PTPRD: variants seen among roughly 807,000 people sequenced by gnomAD.
The protein encoded by PTPRD is receptor-type tyrosine-protein phosphatase delta.
PTPRD carries 34 observed loss-of-function variants against 214.5 expected under a neutral mutation model. The ratio of observed to expected loss-of-function variants is 0.16; its 90% CI spans 0.12 to 0.21. The LOEUF is 0.21. PTPRD is among the 10% of genes least tolerant of loss of function. The pLI, the probability that PTPRD is intolerant of heterozygous loss-of-function variation, is 1.00. For missense variants in PTPRD, 2,545 were observed against 2,398.7 expected (o/e 1.06, Z -1.27); for synonymous variants, 1,128 against 845.7 (o/e 1.33, Z -5.79).
At chr9:9,061,327 G>A (rs991519599) in intron 10 of PTPRD, among the ~76,000 whole-genome samples, 4 of 152,272 alleles carry the variant, frequency 2.6e-5, no homozygotes, top group African/African-American at 4.8e-5. Context: ...CATTTGTAAC[G>A]CAATTTCCCA....
At chr9:9,378,064 A>G (rs1038314201) in intron 9 of PTPRD, among the ~76,000 whole-genome samples, 1 of 151,824 alleles carries the variant, frequency 6.6e-6, no homozygotes, top group African/African-American at 2.4e-5. Flanking sequence ...CCGATAATGA[A>G]CCTCCATTAA....
chr9:10,335,564 G>T (rs768006277), intron 3 of PTPRD, among the ~76,000 whole-genome samples: 1 of 151,336 alleles, frequency 6.6e-6, no homozygotes, highest in Non-Finnish European at 1.5e-5. Context: ...AACAACAAAG[G>T]CATGATCCAT....
intron 2 of PTPRD, among the ~76,000 whole-genome samples, chr9:10,476,038 G>C (rs1458103503): frequency 2.6e-5 from 4 of 151,964 alleles, no homozygotes; most frequent in Non-Finnish European, 4.4e-5. Context: ...ACTGAATGGG[G>C]AAAAGCTGGA....
At chr9:9,570,459 A>C (rs1056266722) in intron 8 of PTPRD, among the ~76,000 whole-genome samples, 2 of 151,672 alleles carry the variant, frequency 1.3e-5, no homozygotes, top group Non-Finnish European at 3.0e-5. Context: ...GTGTTTCTTA[A>C]CTGGATTTTT....
chr9:8,989,104 T>C (rs1267688937), intron 11 of PTPRD, among the ~76,000 whole-genome samples: 1 of 152,076 alleles, frequency 6.6e-6, no homozygotes, highest in Non-Finnish European at 1.5e-5. Flanking sequence ...ATGATAGTTG[T>C]ATATATTTTT....
chr9:10,046,526 A>C (rs2097400099), intron 3 of PTPRD, among the ~76,000 whole-genome samples: 1 of 151,914 alleles, frequency 6.6e-6, no homozygotes, highest in South Asian at 2.1e-4. Context: ...TGTCACTCTG[A>C]AAAACAGAAT....
intron 4 of PTPRD, among the ~76,000 whole-genome samples, chr9:10,025,668 T>C (rs900116552): frequency 6.6e-6 from 1 of 152,182 alleles, no homozygotes; most frequent in Non-Finnish European, 1.5e-5. Context: ...AAAAATTAGA[T>C]AACCTTTAAA....
At chr9:9,951,380 C>T (rs189198485) in intron 4 of PTPRD, among the ~76,000 whole-genome samples, 13 of 152,304 alleles carry the variant, frequency 8.5e-5, no homozygotes, top group African/African-American at 3.1e-4. Context: ...AGTGGTAGGC[C>T]TGTAAACACC....
intron 7 of PTPRD, among the ~76,000 whole-genome samples, chr9:9,610,243 C>G (rs983424425): frequency 6.6e-6 from 1 of 152,110 alleles, no homozygotes; most frequent in Non-Finnish European, 1.5e-5. Context: ...CCTTGAACAA[C>G]TACAACATTA....
intron 3 of PTPRD, among the ~76,000 whole-genome samples, chr9:10,125,406 T>C (rs192804861): frequency 3.6e-4 from 53 of 147,028 alleles, no homozygotes; most frequent in African/African-American, 1.2e-3. Flanking sequence ...TTTTTATTTT[T>C]ATTTATTTTG....
intron 2 of PTPRD, among the ~76,000 whole-genome samples, chr9:10,547,152 G>C (rs2130908352): frequency 6.6e-6 from 1 of 152,164 alleles, no homozygotes; most frequent in African/African-American, 2.4e-5. Context: ...CAGAAGAATT[G>C]GGGCAGGGTG....
intron 21 of PTPRD, among the ~76,000 whole-genome samples, chr9:8,516,523 T>C (rs1362740967): frequency 6.6e-6 from 1 of 152,112 alleles, no homozygotes; most frequent in African/African-American, 2.4e-5. Context: ...ATAAAGACCA[T>C]GCCATGAAAA....
intron 7 of PTPRD, among the ~76,000 whole-genome samples, chr9:9,578,041 G>A (rs1380895797): frequency 2.0e-5 from 1 of 50,384 alleles, no homozygotes; most frequent in Non-Finnish European, 3.3e-5. Flanking sequence ...GTAAGACTCT[G>A]TCTCAAAAAA....
At chr9:9,937,753 A>C (rs2382082) in intron 5 of PTPRD, among the ~76,000 whole-genome samples, 1 of 151,960 alleles carries the variant, frequency 6.6e-6, no homozygotes, top group Non-Finnish European at 1.5e-5. Context: ...TGAATTACCC[A>C]TAAGTTATGT....
intron 3 of PTPRD, among the ~76,000 whole-genome samples, chr9:10,103,175 C>A (rs2098579729): frequency 6.6e-6 from 1 of 151,312 alleles, no homozygotes; most frequent in Non-Finnish European, 1.5e-5. Context: ...GGTTTTCAAA[C>A]AATTTTTACT....
chr9:9,058,722 T>C (rs1282336808), intron 10 of PTPRD, among the ~76,000 whole-genome samples: 1 of 151,874 alleles, frequency 6.6e-6, no homozygotes, highest in Non-Finnish European at 1.5e-5. Context: ...GTGCTGGGAC[T>C]ACAGGCGTGA....
At chr9:8,721,943 A>G (rs1877447) in intron 12 of PTPRD, among the ~76,000 whole-genome samples, 73,118 of 152,150 alleles carry the variant, frequency 0.48, 17,737 homozygotes, top group Middle Eastern at 0.53. Flanking sequence ...AAGCAACATC[A>G]GTGGTTCTCA....
At chr9:9,725,253 TG>T (rs1162384520) in intron 7 of PTPRD, among the ~76,000 whole-genome samples, 4 of 151,878 alleles carry the variant, frequency 2.6e-5, no homozygotes. Context: ...GCTGTTCCCA[TG>T]ATAGTGAATA....
intron 10 of PTPRD, among the ~76,000 whole-genome samples, chr9:9,085,672 C>T (rs1008069861): frequency 6.6e-6 from 1 of 151,442 alleles, no homozygotes; most frequent in Non-Finnish European, 1.5e-5. Context: ...TGACATTTGG[C>T]CTTCAGATTT....
Sources: gnomAD v4.1 joint callset for allele counts (sites outside exome capture counted in the v4.1 genomes callset) on GRCh38, gnomAD v4.1.1 for gene constraint, MANE v1.5 for transcripts, NCBI Gene and HGNC (gene_info 2026-07-23, HGNC 2026-07-21) for gene names.